The following DAB1 variants were observed in gnomAD, a reference collection of about 807,000 sequenced individuals.
The protein encoded by DAB1 is disabled homolog 1.
In DAB1, 15 loss-of-function variants were observed where a neutral mutation model predicts 64.6. The ratio of observed to expected loss-of-function variants is 0.23; its 90% CI spans 0.16 to 0.36. The LOEUF (loss-of-function observed/expected upper bound fraction) is 0.36, where lower values mean the gene tolerates loss of function less well. Among genes scored for constraint, DAB1 ranks in the 10% least tolerant of loss-of-function variants. DAB1 has a pLI of 1.00. For missense variants in DAB1, 596 were observed against 706.7 expected, an observed-to-expected ratio of 0.84 and a Z score of 1.78; for synonymous variants, 235 against 251.9, an observed-to-expected ratio of 0.93 and a Z score of 0.64.
intron 6 of DAB1, among the ~76,000 whole-genome samples, chr1:57,746,132 T>C (rs890537381): frequency 2.6e-5 from 4 of 152,196 alleles, no homozygotes; most frequent in Admixed American, 1.3e-4. Context: ...TAAATAGGAC[T>C]GCAATAAATT....
At chr1:58,534,797 G>A (rs1338816674) in intron 1 of DAB1, among the ~76,000 whole-genome samples, 2 of 152,132 alleles carry the variant, frequency 1.3e-5, no homozygotes, top group South Asian at 2.1e-4. Flanking sequence ...TTAGCCAGGC[G>A]TGGTGGCATG....
intron 5 of DAB1, among the ~76,000 whole-genome samples, chr1:57,959,378 G>A (rs969793749): frequency 2.0e-5 from 3 of 152,174 alleles, no homozygotes; most frequent in African/African-American, 7.2e-5. Context: ...AGAGATAAGG[G>A]AAGTAGAGGG....
chr1:57,699,783 C>T (rs1303624814), intron 6 of DAB1, among the ~76,000 whole-genome samples: 2 of 151,936 alleles, frequency 1.3e-5, no homozygotes, highest in African/African-American at 2.4e-5. Flanking sequence ...CGTGGTGGTG[C>T]GTGCCTGTAG....
chr1:57,902,216 CA>C (rs987106997), intron 5 of DAB1, among the ~76,000 whole-genome samples: 2 of 151,310 alleles, frequency 1.3e-5, no homozygotes, highest in African/African-American at 4.9e-5. Flanking sequence ...AATTATAGCA[CA>C]AAGAACACTT....
intron 1 of DAB1, among the ~76,000 whole-genome samples, chr1:57,844,258 G>A (rs1044019681): frequency 6.6e-6 from 1 of 152,150 alleles, no homozygotes; most frequent in African/African-American, 2.4e-5. Flanking sequence ...GTTTCCCTTA[G>A]TATATTATGA....
chr1:57,274,201 T>C (rs1366850195), intron 2 of DAB1, among the ~76,000 whole-genome samples: 1 of 152,212 alleles, frequency 6.6e-6, no homozygotes, highest in Non-Finnish European at 1.5e-5. Context: ...TGTTAAAAAT[T>C]AAAACTCAGT....
At chr1:57,069,260 C>CCA in intron 8 of DAB1, 100 bp downstream of exon 8, 2 of 990,868 alleles carry the variant, frequency 2.0e-6, no homozygotes, top group Non-Finnish European at 1.6e-6. Flanking sequence ...TTTTAACAAG[C>CCA]CAGGAATGAC....
chr1:57,824,230 G>A (rs940235918), downstream of DAB1, among the ~76,000 whole-genome samples: 2 of 152,178 alleles, frequency 1.3e-5, no homozygotes, highest in Non-Finnish European at 2.9e-5. Context: ...AAGCTTGGTG[G>A]TTTGGTTCCA....
At chr1:58,193,314 G>A (rs1449664863) in intron 4 of DAB1, among the ~76,000 whole-genome samples, 1 of 152,164 alleles carries the variant, frequency 6.6e-6, no homozygotes, top group Non-Finnish European at 1.5e-5. Context: ...TGCCATGAAT[G>A]GAAGCAGCCT....
At chr1:58,313,846 T>TGA (rs1662485740) in intron 4 of DAB1, among the ~76,000 whole-genome samples, 1 of 144,560 alleles carries the variant, frequency 6.9e-6, no homozygotes, top group African/African-American at 2.6e-5. Flanking sequence ...TGTGTGTGTG[T>TGA]GTGTGTGTGT....
intron 6 of DAB1, among the ~76,000 whole-genome samples, chr1:57,739,632 T>C (rs1002358873): frequency 1.3e-5 from 2 of 151,050 alleles, no homozygotes; most frequent in Non-Finnish European, 2.9e-5. Context: ...TCTGTATTTT[T>C]AGTAGAGACA....
intron 1 of DAB1, among the ~76,000 whole-genome samples, chr1:57,358,295 G>A (rs928718853): frequency 3.3e-5 from 5 of 151,828 alleles, no homozygotes. Context: ...CTTCTTATAT[G>A]GCCTTTATTG....
intron 1 of DAB1, among the ~76,000 whole-genome samples, chr1:58,540,313 C>G (rs1646586849): frequency 6.6e-6 from 1 of 151,312 alleles, no homozygotes; most frequent in Non-Finnish European, 1.5e-5. Context: ...GGTATTAGGA[C>G]ACAAAACTAT....
intron 7 of DAB1, among the ~76,000 whole-genome samples, chr1:57,635,969 C>T (rs185948547): frequency 0.012 from 1,788 of 151,982 alleles, 29 homozygotes; most frequent in African/African-American, 0.039. Context: ...CGGTGGCGGG[C>T]GCCTGTAGTC....
chr1:57,345,558 AC>A (rs1157462906), intron 1 of DAB1, among the ~76,000 whole-genome samples: 1 of 151,946 alleles, frequency 6.6e-6, no homozygotes, highest in East Asian at 1.9e-4. Flanking sequence ...AATCATAAGA[AC>A]TTTTATGTAT....
chr1:57,422,404 G>A (rs936286280), intron 1 of DAB1, among the ~76,000 whole-genome samples: 9 of 150,970 alleles, frequency 6.0e-5, no homozygotes, highest in African/African-American at 2.2e-4. Flanking sequence ...CTCCCAGGCG[G>A]AGAAAGGCGC....
At chr1:58,152,398 C>T (rs555310075) in intron 4 of DAB1, among the ~76,000 whole-genome samples, 28 of 152,234 alleles carry the variant, frequency 1.8e-4, no homozygotes, top group African/African-American at 6.0e-4. Context: ...ACAAAGCCAT[C>T]GGAAGCAGTA....
intron 2 of DAB1, among the ~76,000 whole-genome samples, chr1:57,200,198 T>A (rs993676539): frequency 2.0e-5 from 3 of 152,208 alleles, no homozygotes; most frequent in Non-Finnish European, 2.9e-5. Context: ...TTCAGAGATA[T>A]GGTTCTGTTT....
chr1:57,404,180 A>T (rs1409214222), intron 1 of DAB1, among the ~76,000 whole-genome samples: 1 of 152,220 alleles, frequency 6.6e-6, no homozygotes, highest in Non-Finnish European at 1.5e-5. Flanking sequence ...CTATTAAGGA[A>T]CTATAAAAAG....
Sources: allele counts gnomAD v4.1 joint callset (sites outside exome capture counted in the v4.1 genomes callset), GRCh38; gene constraint gnomAD v4.1.1; transcripts MANE v1.5; gene names NCBI Gene and HGNC (gene_info 2026-07-23, HGNC 2026-07-21).